The following CELF2 variants were observed in gnomAD, a reference collection of about 807,000 sequenced individuals.
CELF2 encodes CUG triplet repeat RNA-binding protein 2.
CELF2 carries 8 observed loss-of-function variants against 62.6 expected under a neutral mutation model. The observed-to-expected ratio is 0.13, with a 90% CI of 0.07 to 0.23. The LOEUF (loss-of-function observed/expected upper bound fraction) is 0.23, where lower values mean the gene tolerates loss of function less well. CELF2 is among the 10% of genes least tolerant of loss of function. The probability of loss-of-function intolerance (pLI) is 1.00; values close to 1 mark genes in which losing one functional copy is unlikely to be tolerated. For missense variants in CELF2, 333 were observed against 671.0 expected, an observed-to-expected ratio of 0.50 and a Z score of 5.56; for synonymous variants, 258 against 250.0, an observed-to-expected ratio of 1.03 and a Z score of -0.30.
chr10:10,622,744 G>C, the CELF2 span, among the ~76,000 whole-genome samples: 1 of 152,048 alleles, frequency 6.6e-6, no homozygotes, highest in African/African-American at 2.4e-5. Flanking sequence ...AAGGAGAGGA[G>C]TGCAGACAGG....
At position 11,296,039 on chromosome 10, in the gene CELF2, G is replaced by A. The variant is rs1238916966; in HGVS notation, c.976+7487G>A. Among the ~76,000 whole-genome samples the A allele has an allele frequency of 1.3e-5, 2 of 152,116 alleles. No homozygotes were observed. The highest frequency in any genetic ancestry group is 2.9e-5 in the Non-Finnish European group (2 of 68,030). On this transcript the variant is annotated intron_variant, in intron 9 of 12. Coordinates refer to ENST00000633077, the MANE Select transcript of CELF2 (RefSeq NM_001326342.2). This position sits in a 1 kb window ranked among gnomAD's most constrained non-coding sequence, Gnocchi z 5.0. ...CAGCTTTGGGGGTAGAGATATTTAC[G>A]GTTCACCACAGAGCCCACGCTGGGA...
intron 1 of CELF2, among the ~76,000 whole-genome samples, chr10:11,034,482 C>A (rs548670271): frequency 6.9e-6 from 1 of 145,624 alleles, no homozygotes; most frequent in Non-Finnish European, 1.5e-5. Context: ...CTAGATCCCT[C>A]CTAGATGTGT....
intron 1 of CELF2, among the ~76,000 whole-genome samples, chr10:11,057,499 C>T (rs961654689): frequency 6.6e-6 from 1 of 152,148 alleles, no homozygotes; most frequent in Non-Finnish European, 1.5e-5. Flanking sequence ...CAACTACTCA[C>T]CATGGAACTC....
Position 11,268,991 on chromosome 10 carries a change from T to C in CELF2, c.619-1675T>C, listed in dbSNP as rs1338038190. 6.6e-6 allele frequency among the ~76,000 whole-genome samples: 1 copy of C among 152,234 alleles called. No individual in the cohort carries two copies. Among genetic ancestry groups the C allele is most frequent in the Non-Finnish European group, 1.5e-5 (1 of 68,050 alleles). ...TTTTAAGCTATAATCATTGGCCTAA[T>C]TTTCTGCTTTTATATCATTTTTACT... On this transcript the variant is annotated intron_variant, in intron 6 of 12. Transcript: ENST00000633077. The surrounding 1 kb of genome is among the most constrained non-coding windows in gnomAD (Gnocchi z 4.7).
intron 1 of CELF2, among the ~76,000 whole-genome samples, chr10:11,063,812 C>T (rs2067388155): frequency 6.6e-6 from 1 of 152,194 alleles, no homozygotes; most frequent in Admixed American, 6.5e-5. Context: ...TCTTTAGAGA[C>T]ACTTGTGCCT....
At position 10,938,199 on chromosome 10, in the gene CELF2, AT is replaced by A. The variant is rs2046634985; in HGVS notation, c.89+18201del. On this transcript the variant is annotated intron_variant, in intron 2 of 13. Transcript: ENST00000636488. This position sits in a 1 kb window ranked among gnomAD's most constrained non-coding sequence, Gnocchi z 4.2. The stretch of plus-strand genomic sequence containing the variant: ...TTCTTTGTTTTCTAATGGGCATGTG[AT>A]GTTGATGAAAAATAGCATTCAAGTA... Among the ~76,000 whole-genome samples, 1 of 152,214 alleles carries A rather than the reference AT, an allele frequency of 6.6e-6. No individual in the cohort carries two copies. The highest frequency in any genetic ancestry group is 6.5e-5 in the Admixed American group (1 of 15,276).
chr10:10,822,505 A>G (rs1287430338), intron 1 of CELF2, among the ~76,000 whole-genome samples: 2 of 152,236 alleles, frequency 1.3e-5, no homozygotes, highest in Non-Finnish European at 2.9e-5. Flanking sequence ...TTTTACTCAA[A>G]ATAAAATGCC....
chr10:11,216,704 G>A (rs2063447512), intron 2 of CELF2, among the ~76,000 whole-genome samples: 1 of 152,224 alleles, frequency 6.6e-6, no homozygotes, highest in Non-Finnish European at 1.5e-5. Context: ...GCGCGGAAGG[G>A]CCGGGGACTC....
At chr10:10,850,420 G>A (rs569898793) in intron 1 of CELF2, among the ~76,000 whole-genome samples, 5 of 152,290 alleles carry the variant, frequency 3.3e-5, no homozygotes, top group East Asian at 3.9e-4. Context: ...CCAAGACATG[G>A]CCCTTGAGTA....
the CELF2 span, among the ~76,000 whole-genome samples, chr10:10,545,905 C>T: frequency 3.9e-5 from 6 of 152,246 alleles, no homozygotes; most frequent in South Asian, 4.1e-4. Flanking sequence ...AATAAGGCCA[C>T]GTCTATGCTT....
chr10:11,284,977 G>A (rs1305140922), intron 8 of CELF2, among the ~76,000 whole-genome samples: 7 of 22,700 alleles, frequency 3.1e-4, no homozygotes, highest in East Asian at 1.5e-3. Flanking sequence ...GGATGAGTGT[G>A]TGGATGAGAG....
In CELF2 at chr10:11,165,456, A is replaced by C; in HGVS notation, c.75-30A>C. The C allele has an allele frequency of 6.2e-7, 1 of 1,601,744 alleles. No homozygotes were observed. Reference sequence around the variant, plus strand: ...TTCCTGTCCCTCATCGTGCCGCCCTAACTCTGGCTCCCGGTTCCGTTTTTG... The same window carrying C: ...TTCCTGTCCCTCATCGTGCCGCCCTCACTCTGGCTCCCGGTTCCGTTTTTG... On this transcript the variant is annotated intron_variant, in intron 1 of 12. Transcript: ENST00000633077. This position sits in a 1 kb window ranked among gnomAD's most constrained non-coding sequence, Gnocchi z 7.4.
intron 1 of CELF2, among the ~76,000 whole-genome samples, chr10:11,138,534 A>C (rs2060797903): frequency 6.6e-6 from 1 of 152,212 alleles, no homozygotes; most frequent in African/African-American, 2.4e-5. Context: ...TGACACACAC[A>C]GGATCGGGAT....
At chr10:10,748,561 G>A in the CELF2 span, among the ~76,000 whole-genome samples, 2,072 of 151,602 alleles carry the variant, frequency 0.014, 21 homozygotes, top group South Asian at 0.028. Context: ...ATCCTGGCTA[G>A]CACAGTGAAA....
At position 10,887,697 on chromosome 10, in the gene CELF2, T is replaced by A. The variant is rs76570221; in HGVS notation, c.54-32267T>A. 8.9e-3 allele frequency among the ~76,000 whole-genome samples: 1,350 copies of A among 152,266 alleles called. 19 individuals are homozygous for A. Among genetic ancestry groups the A allele is most frequent in the African/African-American group, 0.031 (1,281 of 41,532 alleles). ...TACATCAAAGCTTCTGGTGGAACAC[T>A]GAAACAAAACATTTAAAATTGTCTG... On this transcript the variant is annotated intron_variant, in intron 1 of 13. Coordinates refer to the CELF2 transcript ENST00000636488.
chr10:10,626,887 C>A, the CELF2 span, among the ~76,000 whole-genome samples: 1 of 152,170 alleles, frequency 6.6e-6, no homozygotes, highest in Non-Finnish European at 1.5e-5. Flanking sequence ...TCAAGTGTTA[C>A]AGGGCTCAGA....
At chr10:10,903,593 G>A (rs767428739) in intron 1 of CELF2, among the ~76,000 whole-genome samples, 72 of 152,286 alleles carry the variant, frequency 4.7e-4, no homozygotes, top group Non-Finnish European at 9.1e-4. Context: ...AATTGACTCC[G>A]TACATATTTC....
At chr10:10,809,193 C>T (rs2055575566) in intron 1 of CELF2, among the ~76,000 whole-genome samples, 1 of 151,834 alleles carries the variant, frequency 6.6e-6, no homozygotes, top group African/African-American at 2.4e-5. Context: ...CTGCCTCCCT[C>T]TTTCTCTCTC....
intron 1 of CELF2, among the ~76,000 whole-genome samples, chr10:11,146,371 C>G (rs2062277845): frequency 6.6e-6 from 1 of 152,228 alleles, no homozygotes. Flanking sequence ...ATCTGTATCT[C>G]TACACGTATC....
Sources: gnomAD v4.1 joint callset for allele counts (sites outside exome capture counted in the v4.1 genomes callset) on GRCh38, gnomAD v4.1.1 for gene constraint, Gnocchi (gnomAD v3.1) non-coding constraint, MANE v1.5 for transcripts, NCBI Gene and HGNC (gene_info 2026-07-23, HGNC 2026-07-21) for gene names.